ZNF773: variants seen among roughly 807,000 people sequenced by gnomAD.
ZNF773 encodes the protein zinc finger protein 419B.
In ZNF773, 11 loss-of-function variants were observed where a neutral mutation model predicts 12.8. The ratio of observed to expected loss-of-function variants is 0.86; its 90% CI spans 0.54 to 1.42. The LOEUF is 1.42. Ranked by LOEUF, ZNF773 falls within the 40% of genes most tolerant of loss-of-function variation. ZNF773 has a pLI of 0.00. For synonymous variants in ZNF773, 175 were observed against 178.4 expected (o/e 0.98, Z 0.15); for missense variants, 518 against 527.2 (o/e 0.98, Z 0.17).
chr19:57,505,673 C>G (rs1298721165), intron 3 of ZNF773, among the ~76,000 whole-genome samples: 3 of 149,876 alleles, frequency 2.0e-5, no homozygotes. Flanking sequence ...GGCGCTTATT[C>G]TTGCATAGTC....
In ZNF773 at chr19:57,507,041, T is replaced by C; in HGVS notation, c.946T>C (p.Ser316Pro). 6.2e-7 allele frequency: 1 copy of C among 1,614,142 alleles called. No homozygotes were observed. The highest frequency in any genetic ancestry group is 8.5e-7 in the Non-Finnish European group (1 of 1,180,036). ...ATGTGGAAAATTGTTTAGTTTCAACTCCAGCCTCATGAAACATCAGAGAGT... is the reference window on the plus strand; with the variant it reads ...ATGTGGAAAATTGTTTAGTTTCAACCCCAGCCTCATGAAACATCAGAGAGT... ...SECGKLFSFN[S>P]SLMKHQRVHT... The change falls in exon 4 of 4, where the codon TCC becomes CCC. Residue 316 changes from serine (S) to proline (P), a missense_variant. Physicochemically the swap from Ser to Pro is moderately conservative, Grantham distance 74. Transcript: ENST00000282292.
chr19:57,508,973 CT>C (rs2089775660), downstream of ZNF773, among the ~76,000 whole-genome samples: 1 of 151,966 alleles, frequency 6.6e-6, no homozygotes, highest in African/African-American at 2.4e-5. Context: ...TGTTTTCTTT[CT>C]AAAAAATTAG....
chr19:57,502,364 A>G (rs1225829681), intron 1 of ZNF773, among the ~76,000 whole-genome samples: 1 of 152,212 alleles, frequency 6.6e-6, no homozygotes, highest in East Asian at 1.9e-4. Flanking sequence ...TGCTTAGGCA[A>G]CCTTAGATCT....
At chr19:57,508,499 T>G, downstream of ZNF773, 1 of 700,330 alleles carries the variant, frequency 1.4e-6, no homozygotes, top group South Asian at 1.5e-5. Flanking sequence ...GACTGAATTG[T>G]GTTTTTATAA....
chr19:57,516,768 C>T (rs1263018560), downstream of ZNF773: 1 of 152,254 alleles, frequency 6.6e-6, no homozygotes, highest in African/African-American at 2.4e-5. Context: ...GACTCAGTGT[C>T]TTGGCCCCTT....
At chr19:57,516,488 A>T (rs1352235114), downstream of ZNF773, 5 of 152,200 alleles carry the variant, frequency 3.3e-5, no homozygotes, top group African/African-American at 1.2e-4. Context: ...CCTGACAGAG[A>T]GTGATTAGAT....
At chr19:57,511,671 C>T (rs1384468885), downstream of ZNF773, among the ~76,000 whole-genome samples, 2 of 152,040 alleles carry the variant, frequency 1.3e-5, no homozygotes, top group African/African-American at 2.4e-5. Flanking sequence ...CTTACACTTG[C>T]ATGCTCAGCA....
At chr19:57,510,583 A>T (rs978618611), downstream of ZNF773, among the ~76,000 whole-genome samples, 1 of 152,174 alleles carries the variant, frequency 6.6e-6, no homozygotes, top group African/African-American at 2.4e-5. Context: ...ACATGATAAT[A>T]TTGAAAATTC....
chr19:57,501,553 A>G (rs1264405256), intron 1 of ZNF773, among the ~76,000 whole-genome samples: 3 of 152,202 alleles, frequency 2.0e-5, no homozygotes, highest in Non-Finnish European at 2.9e-5. Flanking sequence ...GCAGATGGCA[A>G]TACCAAGGCA....
chr19:57,503,657 C>CTT (rs150122476), intron 1 of ZNF773, among the ~76,000 whole-genome samples: 8 of 132,310 alleles, frequency 6.0e-5, no homozygotes, highest in Admixed American at 1.5e-4. Flanking sequence ...GAGACGTGGG[C>CTT]TTTTTTTTTT....
chr19:57,511,918 A>G (rs1260216930), downstream of ZNF773, among the ~76,000 whole-genome samples: 1 of 152,256 alleles, frequency 6.6e-6, no homozygotes, highest in Non-Finnish European at 1.5e-5. Flanking sequence ...AAAAGTTGAC[A>G]TACAGTATGA....
intron 1 of ZNF773, 128 bp downstream of exon 1, chr19:57,500,241 G>C (rs2089653884): frequency 3.8e-6 from 5 of 1,326,930 alleles, no homozygotes; most frequent in African/African-American, 1.5e-5. Context: ...GCAGTGTGAT[G>C]GGGTGGCAAT....
downstream of ZNF773, chr19:57,508,581 GT>G (rs1449653987): frequency 1.4e-6 from 1 of 698,028 alleles, no homozygotes; most frequent in Non-Finnish European, 2.6e-6. Flanking sequence ...TGATCCAAAT[GT>G]TTCAAATTTT....
chr19:57,505,087 T>G, intron 2 of ZNF773: 1 of 709,516 alleles, frequency 1.4e-6, no homozygotes, highest in Non-Finnish European at 2.6e-6. Context: ...GGTAGTTCTA[T>G]TCCCCTACAT....
chr19:57,504,403 A>C (rs1469284009), intron 1 of ZNF773, among the ~76,000 whole-genome samples: 1 of 152,180 alleles, frequency 6.6e-6, no homozygotes, highest in African/African-American at 2.4e-5. Context: ...TGGGGGATCC[A>C]AGGTGAGTTG....
At chr19:57,501,669 C>T (rs367654269) in intron 1 of ZNF773, among the ~76,000 whole-genome samples, 3 of 152,154 alleles carry the variant, frequency 2.0e-5, no homozygotes, top group African/African-American at 2.4e-5. Flanking sequence ...CCAGGCTAGA[C>T]GAGGGGGCTT....
chr19:57,513,029 C>T, downstream of ZNF773: 2 of 1,567,738 alleles, frequency 1.3e-6, no homozygotes, highest in Non-Finnish European at 1.7e-6. Flanking sequence ...CAGTCCCGAA[C>T]CGACAGCCAC....
At position 57,506,395 on chromosome 19, in the gene ZNF773, G is replaced by A. The variant is rs1363277719; in HGVS notation, c.300G>A (p.Glu100=). ...GAGCCAAGGCTGAGGCAGCTGCTGA[G>A]CAGAGTGCTTCTGTAGAAGTGCCCA... ...WQGAKAEAAA[E]QSASVEVPSS... Residue 100 remains glutamate (E), a synonymous_variant, in exon 4 of 4, where the codon GAG becomes GAA. Transcript: ENST00000282292. 2 of 1,613,898 alleles carry A rather than the reference G, an allele frequency of 1.2e-6. No homozygotes were observed. Among genetic ancestry groups the A allele is most frequent in the South Asian group, 2.2e-5 (2 of 91,008 alleles).
chr19:57,505,712 GTTTT>G (rs11312618), intron 3 of ZNF773, among the ~76,000 whole-genome samples: 2 of 110,870 alleles, frequency 1.8e-5, no homozygotes, highest in Admixed American at 9.5e-5. Flanking sequence ...CATTCCAGTT[GTTTT>G]TTTTTTTTTT....
Sources: gnomAD v4.1 joint callset for allele counts (sites outside exome capture counted in the v4.1 genomes callset) on GRCh38, gnomAD v4.1.1 for gene constraint, MANE v1.5 for transcripts, NCBI Gene and HGNC (gene_info 2026-07-23, HGNC 2026-07-21) for gene names.